SCFD2: variants seen among roughly 807,000 people sequenced by gnomAD.
SCFD2 encodes sec1 family domain containing 2.
Under a neutral mutation model 58.9 loss-of-function variants are expected in SCFD2, and 54 were observed. The observed-to-expected ratio is 0.92, with a 90% CI of 0.74 to 1.15. SCFD2 has a LOEUF of 1.15. Ranked by LOEUF, SCFD2 falls within the 50% of genes most tolerant of loss-of-function variation. SCFD2 has a pLI of 0.00. For missense variants in SCFD2, 805 were observed against 836.6 expected, an observed-to-expected ratio of 0.96 and a Z score of 0.47; for synonymous variants, 321 against 335.9, an observed-to-expected ratio of 0.96 and a Z score of 0.49.
chr4:53,346,297 G>A (rs569313354), intron 2 of SCFD2, among the ~76,000 whole-genome samples: 136 of 147,050 alleles, frequency 9.2e-4, no homozygotes, highest in African/African-American at 3.2e-3. Context: ...TTTTTGAGAG[G>A]GAGTTTCACT....
At chr4:53,363,194 G>A (rs1734596206) in intron 1 of SCFD2, among the ~76,000 whole-genome samples, 2 of 151,878 alleles carry the variant, frequency 1.3e-5, no homozygotes, top group Admixed American at 6.6e-5. Flanking sequence ...GGAGTGCAGG[G>A]ATGTGATGGT....
In SCFD2 at chr4:53,283,582, T is replaced by C. The variant is rs185204643; in HGVS notation, c.1136-9581A>G. Among the ~76,000 whole-genome samples, 4 of 152,132 alleles carry C rather than the reference T, an allele frequency of 2.6e-5. No individual in the cohort carries two copies. The East Asian group carries it at 7.8e-4, about 30-fold the overall frequency. Reference sequence around the variant, plus strand: ...TTTTACATTTGTTTTTTGTTTTCTGTTTTTATGGTAGAGTCTCAGTGTGTA... The same window carrying C: ...TTTTACATTTGTTTTTTGTTTTCTGCTTTTATGGTAGAGTCTCAGTGTGTA... On this transcript the variant is annotated intron_variant, in intron 3 of 8. Transcript: ENST00000401642.
At chr4:53,114,148 G>A (rs1253628793) in intron 5 of SCFD2, among the ~76,000 whole-genome samples, 6 of 152,024 alleles carry the variant, frequency 3.9e-5, no homozygotes, top group Non-Finnish European at 7.4e-5. Context: ...TATCTCATCG[G>A]ACTGTCATGA....
intron 4 of SCFD2, among the ~76,000 whole-genome samples, chr4:53,206,203 G>T (rs1728399851): frequency 1.3e-5 from 2 of 152,254 alleles, no homozygotes; most frequent in South Asian, 4.1e-4. Context: ...AAGTCTGTAG[G>T]CAACCAGTTA....
intron 2 of SCFD2, among the ~76,000 whole-genome samples, chr4:53,350,049 C>G (rs563455324): frequency 2.6e-4 from 39 of 152,218 alleles, no homozygotes; most frequent in African/African-American, 9.1e-4. Context: ...GTGAGAAGTA[C>G]GTAAGTTAAT....
At chr4:53,110,845 C>T (rs1023881531) in intron 5 of SCFD2, among the ~76,000 whole-genome samples, 1 of 152,080 alleles carries the variant, frequency 6.6e-6, no homozygotes, top group African/African-American at 2.4e-5. Flanking sequence ...GGGTATATAC[C>T]CAAAGGATGA....
At chr4:53,044,322 C>G (rs953405464) in intron 5 of SCFD2, among the ~76,000 whole-genome samples, 1 of 152,066 alleles carries the variant, frequency 6.6e-6, no homozygotes, top group Non-Finnish European at 1.5e-5. Context: ...CCAAGGCTTT[C>G]CCTGCTCAAA....
At chr4:52,961,591 G>A (rs1022349061) in intron 5 of SCFD2, among the ~76,000 whole-genome samples, 2 of 152,216 alleles carry the variant, frequency 1.3e-5, no homozygotes, top group African/African-American at 4.8e-5. Flanking sequence ...TTGAGCAGCT[G>A]AAACAGTGAG....
chr4:53,225,518 A>G (rs1729183836), intron 4 of SCFD2, among the ~76,000 whole-genome samples: 3 of 152,238 alleles, frequency 2.0e-5, no homozygotes, highest in Admixed American at 2.0e-4. Context: ...TATGGCAAAT[A>G]CTTTTCCTAT....
chr4:53,215,436 A>C (rs1224598867), intron 4 of SCFD2, among the ~76,000 whole-genome samples: 2 of 152,044 alleles, frequency 1.3e-5, no homozygotes, highest in Admixed American at 6.6e-5. Flanking sequence ...GAGTTCACTC[A>C]TGATTTGGCT....
At chr4:53,267,953 T>C (rs1731040652) in intron 4 of SCFD2, among the ~76,000 whole-genome samples, 1 of 152,238 alleles carries the variant, frequency 6.6e-6, no homozygotes, top group South Asian at 2.1e-4. Flanking sequence ...GGAGAAAATC[T>C]CTGTATAGTC....
intron 5 of SCFD2, among the ~76,000 whole-genome samples, chr4:52,921,143 C>T (rs1168482783): frequency 6.6e-6 from 1 of 152,162 alleles, no homozygotes; most frequent in African/African-American, 2.4e-5. Flanking sequence ...CATCCCTAGA[C>T]TGCAGACATT....
chr4:53,006,180 C>G (rs1721967513), intron 5 of SCFD2, among the ~76,000 whole-genome samples: 1 of 152,180 alleles, frequency 6.6e-6, no homozygotes, highest in South Asian at 2.1e-4. Context: ...TCTGAAAATT[C>G]CTGCTCTCCC....
intron 5 of SCFD2, among the ~76,000 whole-genome samples, chr4:53,012,504 G>A (rs1200885831): frequency 6.6e-6 from 1 of 152,014 alleles, no homozygotes; most frequent in Non-Finnish European, 1.5e-5. Flanking sequence ...TGGCTATTTG[G>A]TCCGAGGGGC....
chr4:53,229,569 T>C (rs1349303326), intron 4 of SCFD2, among the ~76,000 whole-genome samples: 2 of 152,222 alleles, frequency 1.3e-5, no homozygotes, highest in Admixed American at 6.5e-5. Context: ...GCTGGCCATA[T>C]CTAGAGAACT....
At chr4:53,129,154 GCTTT>G (rs1343517661) in intron 5 of SCFD2, among the ~76,000 whole-genome samples, 1 of 152,158 alleles carries the variant, frequency 6.6e-6, no homozygotes, top group Non-Finnish European at 1.5e-5. Flanking sequence ...CTGCCAGTTG[GCTTT>G]CTGTCAGGTT....
chr4:53,260,392 A>C (rs1730794717), intron 4 of SCFD2, among the ~76,000 whole-genome samples: 2 of 152,122 alleles, frequency 1.3e-5, no homozygotes, highest in Non-Finnish European at 2.9e-5. Context: ...TATTACCTTA[A>C]GGTATGTCCC....
rs535362350 is a variant in SCFD2 at position 53,344,107 on chromosome 4, C to T, written c.1007+8491G>A. Among the ~76,000 whole-genome samples, 10 of 149,672 alleles carry T rather than the reference C, an allele frequency of 6.7e-5. 1 individual carries two copies. In the East Asian group the frequency reaches 8.7e-4, roughly 13 times the overall value. On this transcript the variant is annotated intron_variant, in intron 2 of 8. Transcript: ENST00000401642. ...TTGGAAGTTCTGGCCAGGGCAATCA[C>T]GCAGGTGAAAGAAATAAAGGATATT...
intron 5 of SCFD2, among the ~76,000 whole-genome samples, chr4:53,043,434 A>G (rs970700584): frequency 6.6e-6 from 1 of 152,210 alleles, no homozygotes; most frequent in South Asian, 2.1e-4. Context: ...AGCCATGCTT[A>G]ATTTTAAATA....
Sources: allele counts gnomAD v4.1 joint callset (sites outside exome capture counted in the v4.1 genomes callset), GRCh38; gene constraint gnomAD v4.1.1; transcripts MANE v1.5; gene names NCBI Gene and HGNC (gene_info 2026-07-23, HGNC 2026-07-21).